Variants in ROR1 observed in about 807,000 individuals in gnomAD.
ROR1 encodes the protein ROR family WNT receptor 1.
Under a neutral mutation model 78.8 loss-of-function variants are expected in ROR1, and 19 were observed. The observed-to-expected ratio is 0.24, with a 90% CI of 0.17 to 0.35. The LOEUF is 0.35. Ranked by LOEUF, ROR1 falls within the 10% of genes least tolerant of loss-of-function variation. ROR1 has a pLI of 1.00. For synonymous variants in ROR1, 386 were observed against 433.6 expected, an observed-to-expected ratio of 0.89 and a Z score of 1.36; for missense variants, 917 against 1,177.8, an observed-to-expected ratio of 0.78 and a Z score of 3.24.
At chr1:64,043,861 C>T (rs1646763521) in intron 2 of ROR1, among the ~76,000 whole-genome samples, 1 of 152,144 alleles carries the variant, frequency 6.6e-6, no homozygotes, top group African/African-American at 2.4e-5. Flanking sequence ...GAGTCTACCT[C>T]ATAGGATTGT....
At chr1:64,121,795 C>T (rs78423099) in intron 4 of ROR1, among the ~76,000 whole-genome samples, 1 of 152,310 alleles carries the variant, frequency 6.6e-6, no homozygotes, top group African/African-American at 2.4e-5. Context: ...AGCAAGCACT[C>T]AGTATCTGCA....
chr1:63,931,913 G>A (rs1483124427), intron 1 of ROR1, among the ~76,000 whole-genome samples: 1 of 152,124 alleles, frequency 6.6e-6, no homozygotes, highest in Non-Finnish European at 1.5e-5. Flanking sequence ...AGGTATGTGT[G>A]TATAGGGGAA....
At position 64,142,771 on chromosome 1, in the gene ROR1, C is replaced by T. The variant is rs1649361925; in HGVS notation, c.1174+121C>T. 4.0e-6 allele frequency: 6 copies of T among 1,482,246 alleles called. No individual in the cohort carries two copies. The Admixed American group carries it at 9.2e-5, about 23-fold the overall frequency. 91.8% of individuals were successfully genotyped at this position (1,482,246 alleles called of 1,614,324 possible). A position where few individuals can be genotyped will look rare whatever the true frequency, so the allele number is the denominator to read the frequency against. On this transcript the variant is annotated intron_variant, in intron 7 of 8. Coordinates refer to ENST00000371079, the MANE Select transcript of ROR1 (RefSeq NM_005012.4). The stretch of plus-strand genomic sequence containing the variant: ...AAAATGGACAGTATTTGCTTGATCT[C>T]AATCTGGTTTTAGGGTAAACCTTGC...
intron 1 of ROR1, among the ~76,000 whole-genome samples, chr1:63,809,901 A>C (rs947792327): frequency 2.6e-5 from 4 of 152,216 alleles, no homozygotes; most frequent in Non-Finnish European, 5.9e-5. Flanking sequence ...TTGGCAAAGA[A>C]GAAGCATGAA....
At chr1:63,804,034 C>T (rs1644812370) in intron 1 of ROR1, among the ~76,000 whole-genome samples, 1 of 151,958 alleles carries the variant, frequency 6.6e-6, no homozygotes, top group South Asian at 2.1e-4. Flanking sequence ...TGAGTAATCT[C>T]TAAAGGTTAT....
chr1:64,044,135 A>G (rs941456986), intron 2 of ROR1, among the ~76,000 whole-genome samples: 2 of 152,136 alleles, frequency 1.3e-5, no homozygotes, highest in South Asian at 4.1e-4. Flanking sequence ...GAAATAGAAA[A>G]CATGCCATCC....
intron 1 of ROR1, among the ~76,000 whole-genome samples, chr1:63,895,475 A>C (rs1369322010): frequency 2.6e-5 from 4 of 152,188 alleles, no homozygotes; most frequent in Non-Finnish European, 5.9e-5. Flanking sequence ...CTGTTGACCA[A>C]GGTGGAATTT....
intron 4 of ROR1, among the ~76,000 whole-genome samples, chr1:64,097,961 C>T (rs575383336): frequency 2.8e-4 from 42 of 152,268 alleles, no homozygotes; most frequent in South Asian, 1.0e-3. Flanking sequence ...CAAAAGGCTG[C>T]GTTCTCCGTC....
Position 63,856,373 on chromosome 1 carries a change from G to A in ROR1, c.91+81865G>A, listed in dbSNP as rs1055954609. Among the ~76,000 whole-genome samples, 4 of 152,154 alleles carry A rather than the reference G, an allele frequency of 2.6e-5. No individual in the cohort carries two copies. The East Asian group carries it at 5.8e-4, about 22-fold the overall frequency. The stretch of plus-strand genomic sequence containing the variant: ...CACTCTTCTATGTGCTCTCCTCGTG[G>A]CGTGGGGAATCATGAGGTTTTCCAA... On this transcript the variant is annotated intron_variant, in intron 1 of 8. Coordinates refer to ENST00000371079, the MANE Select transcript of ROR1 (RefSeq NM_005012.4).
chr1:64,175,017 T>TA (rs567861566), intron 8 of ROR1, among the ~76,000 whole-genome samples: 69 of 149,450 alleles, frequency 4.6e-4, no homozygotes, highest in South Asian at 1.1e-3. Flanking sequence ...TTTTTTTTTT[T>TA]AAAAAAATAG....
chr1:64,156,659 A>G (rs538571205), intron 7 of ROR1, among the ~76,000 whole-genome samples: 1 of 149,566 alleles, frequency 6.7e-6, no homozygotes, highest in South Asian at 2.1e-4. Flanking sequence ...GTGAGCCGAG[A>G]TCGCACCATT....
At chr1:64,111,522 G>A (rs1648095206) in intron 4 of ROR1, among the ~76,000 whole-genome samples, 1 of 152,124 alleles carries the variant, frequency 6.6e-6, no homozygotes, top group South Asian at 2.1e-4. Flanking sequence ...GAACCCTCAG[G>A]AGCATGGGTC....
intron 1 of ROR1, among the ~76,000 whole-genome samples, chr1:63,846,792 C>T (rs757468653): frequency 6.6e-6 from 1 of 152,170 alleles, no homozygotes; most frequent in South Asian, 2.1e-4. Flanking sequence ...CGTAACTCTG[C>T]GCTCTTATGT....
At chr1:64,119,796 A>G (rs1648461252) in intron 4 of ROR1, among the ~76,000 whole-genome samples, 1 of 152,224 alleles carries the variant, frequency 6.6e-6, no homozygotes, top group South Asian at 2.1e-4. Context: ...GGAAATGAAG[A>G]AATGGATGCT....
At chr1:63,862,030 T>G (rs1645185190) in intron 1 of ROR1, among the ~76,000 whole-genome samples, 1 of 152,178 alleles carries the variant, frequency 6.6e-6, no homozygotes, top group Non-Finnish European at 1.5e-5. Context: ...ATCACATAAT[T>G]TTTATTTATT....
chr1:64,061,813 C>G (rs1158300972), intron 4 of ROR1, among the ~76,000 whole-genome samples: 1 of 152,070 alleles, frequency 6.6e-6, no homozygotes, highest in Non-Finnish European at 1.5e-5. Flanking sequence ...TTTTTTCTAT[C>G]TACATTTGAT....
intron 1 of ROR1, among the ~76,000 whole-genome samples, chr1:63,902,312 A>G (rs988711508): frequency 6.6e-6 from 1 of 152,024 alleles, no homozygotes; most frequent in Non-Finnish European, 1.5e-5. Flanking sequence ...ACCCTAGTAG[A>G]CAATAACAGA....
intron 1 of ROR1, among the ~76,000 whole-genome samples, chr1:63,808,516 T>C (rs1644842404): frequency 6.6e-6 from 1 of 152,254 alleles, no homozygotes; most frequent in African/African-American, 2.4e-5. Flanking sequence ...GTCTGTATTC[T>C]GATCAATTCA....
At chr1:63,976,637 G>C (rs776911909) in intron 1 of ROR1, among the ~76,000 whole-genome samples, 1 of 152,016 alleles carries the variant, frequency 6.6e-6, no homozygotes, top group Non-Finnish European at 1.5e-5. Context: ...CTGGTTTGTC[G>C]GTGTCATCTT....
Sources: allele counts gnomAD v4.1 joint callset (sites outside exome capture counted in the v4.1 genomes callset), GRCh38; gene constraint gnomAD v4.1.1; transcripts MANE v1.5; gene names NCBI Gene and HGNC (gene_info 2026-07-23, HGNC 2026-07-21).